Variants in AREL1 observed in about 807,000 individuals in gnomAD.
The protein encoded by AREL1 is apoptosis-resistant E3 ubiquitin protein ligase 1.
A neutral mutation model predicts 99.0 loss-of-function variants in AREL1; 62 were observed. The observed-to-expected ratio is 0.63, with a 90% confidence interval of 0.51 to 0.77. AREL1 has a LOEUF of 0.77. Ranked by LOEUF, AREL1 falls within the 30% of genes least tolerant of loss-of-function variation. AREL1 has a pLI of 0.00. For synonymous variants in AREL1, 380 were observed against 376.5 expected, an observed-to-expected ratio of 1.01 and a Z score of -0.11; for missense variants, 879 against 1,027.6, an observed-to-expected ratio of 0.86 and a Z score of 1.98.
intron 2 of AREL1, among the ~76,000 whole-genome samples, chr14:74,690,413 G>C (rs2089852310): frequency 6.6e-6 from 1 of 152,136 alleles, no homozygotes; most frequent in Non-Finnish European, 1.5e-5. Flanking sequence ...CTTCCTTGTA[G>C]ATAGAGTTTG....
intron 2 of AREL1, 110 bp downstream of exon 2, chr14:74,691,931 G>C (rs1265917801): frequency 4.9e-6 from 1 of 202,630 alleles, no homozygotes; most frequent in Non-Finnish European, 1.0e-5. Flanking sequence ...AATTCTCACT[G>C]CAACTGTATA....
At chr14:74,694,749 GGA>G (rs2089947663) in intron 1 of AREL1, among the ~76,000 whole-genome samples, 2 of 143,484 alleles carry the variant, frequency 1.4e-5, no homozygotes, top group East Asian at 4.2e-4. Context: ...CAGCACTTTG[GGA>G]GGCTGAAGCG....
chr14:74,693,886 C>T (rs945305454), intron 1 of AREL1, among the ~76,000 whole-genome samples: 1 of 152,192 alleles, frequency 6.6e-6, no homozygotes, highest in African/African-American at 2.4e-5. Flanking sequence ...GTTTAAAATA[C>T]AGCAACATGA....
At position 74,676,228 on chromosome 14, in the gene AREL1, G is replaced by T. The variant is rs1264877439; in HGVS notation, c.745C>A (p.Leu249Met). 6.2e-7 allele frequency: 1 copy of T among 1,614,152 alleles called. No individual in the cohort carries two copies. ...QTFQVFLRLT[L>M]HSRGCFHACI... is the part of the protein sequence containing the mutation. ...GCATGGAAGCAGCCTCGAGAATGCA[G>T]GGTGAGTCGCAAGAACACCTGGAAA... Residue 249 changes from leucine (L) to methionine (M), a missense_variant, in exon 7 of 20, where the codon CTG becomes ATG. Physicochemically the swap from Leu to Met is conservative, Grantham distance 15. Coordinates refer to ENST00000356357, the MANE Select transcript of AREL1 (RefSeq NM_001039479.2).
At chr14:74,699,284 C>G (rs1480909803) in intron 1 of AREL1, among the ~76,000 whole-genome samples, 1 of 151,902 alleles carries the variant, frequency 6.6e-6, no homozygotes, top group Non-Finnish European at 1.5e-5. Flanking sequence ...TCCCACATCC[C>G]AAAGATGTGC....
intron 18 of AREL1, 50 bp downstream of exon 18, chr14:74,664,786 T>C: frequency 6.4e-7 from 1 of 1,560,764 alleles, no homozygotes; most frequent in Non-Finnish European, 8.8e-7. Context: ...CTGAAACTTT[T>C]TCCTTATAAC....
In AREL1 at chr14:74,692,064, G is replaced by A. The variant is rs2089893413; in HGVS notation, c.-69C>T. On this transcript the variant is annotated 5_prime_UTR_variant, in exon 2 of 20. Transcript: ENST00000356357. ...ACCTTTAAACGAGGGCCCATGTTCT[G>A]AGAACCAAGTAGAGCACTCCTATTC... 5.0e-6 allele frequency: 2 copies of A among 403,932 alleles called. No individual in the cohort carries two copies. The highest frequency in any genetic ancestry group is 4.3e-5 in the African/African-American group (2 of 46,694). The allele number at this position is 403,932 out of a possible 1,614,324, so 25.0% of individuals were successfully genotyped here.
intron 8 of AREL1, among the ~76,000 whole-genome samples, chr14:74,675,047 A>C (rs1174955512): frequency 1.3e-5 from 2 of 152,218 alleles, no homozygotes; most frequent in East Asian, 3.8e-4. Context: ...AAAAAGTTTA[A>C]AGAAAATTTC....
At chr14:74,670,525 TTATAC>T (rs1594756802) in intron 13 of AREL1, 1 of 494,358 alleles carries the variant, frequency 2.0e-6, no homozygotes, top group Non-Finnish European at 3.6e-6. Context: ...AGAGTAGACA[TTATAC>T]TATAATGTTT....
chr14:74,668,496 C>A (rs1448676971), intron 15 of AREL1, among the ~76,000 whole-genome samples: 1 of 151,872 alleles, frequency 6.6e-6, no homozygotes, highest in African/African-American at 2.4e-5. Context: ...GCATTTCTAT[C>A]TAGGAGACTG....
intron 1 of AREL1, among the ~76,000 whole-genome samples, chr14:74,695,015 A>C (rs1051121707): frequency 6.7e-6 from 1 of 150,080 alleles, no homozygotes; most frequent in Non-Finnish European, 1.5e-5. Context: ...AAAAAGAAAG[A>C]AAGAAAATGG....
intron 17 of AREL1, among the ~76,000 whole-genome samples, chr14:74,665,936 C>G (rs2089200279): frequency 6.6e-6 from 1 of 152,216 alleles, no homozygotes; most frequent in Non-Finnish European, 1.5e-5. Flanking sequence ...TCCTTCCTTT[C>G]TACTTACTTC....
At chr14:74,669,901 T>C in intron 14 of AREL1, 46 bp downstream of exon 14, 2 of 1,581,976 alleles carry the variant, frequency 1.3e-6, no homozygotes, top group Non-Finnish European at 1.7e-6. Flanking sequence ...GATTTCAGGG[T>C]TAATGGCCAG....
At chr14:74,666,140 T>C (rs377337106) in intron 17 of AREL1, among the ~76,000 whole-genome samples, 2 of 152,260 alleles carry the variant, frequency 1.3e-5, no homozygotes, top group African/African-American at 4.8e-5. Context: ...TGATTCTTGT[T>C]CTCAAATCTA....
chr14:74,683,405 G>A lies in AREL1; in HGVS notation c.372C>T (p.Asn124=), dbSNP rs567292151. ...GCACAGTGAAGGCCACTTTTACTAC[G>A]TTGGAATTGGGCTCCTGAAGGACTT... ...TQEVLQEPNS[N]VVKVAFTVRK... Residue 124 remains asparagine, a synonymous_variant, in exon 5 of 20, where the codon AAC becomes AAT. Coordinates refer to ENST00000356357, the MANE Select transcript of AREL1 (RefSeq NM_001039479.2). The A allele has an allele frequency of 4.0e-5, 65 of 1,614,132 alleles. No homozygotes were observed. Among genetic ancestry groups the A allele is most frequent in the African/African-American group, 3.1e-4 (23 of 75,016 alleles).
rs184976761 is a variant in AREL1, at chr14:74,668,638, C to T, written c.1914+1011G>A. Among the ~76,000 whole-genome samples the T allele has an allele frequency of 4.9e-4, 74 of 152,202 alleles. 1 individual carries two copies. Among genetic ancestry groups the T allele is most frequent in the Non-Finnish European group, 3.4e-4 (23 of 68,022 alleles). ...ACCATGCCAGCTCAGGAAGTTGGGT[C>T]TAATCCCATGTGTACAAAGGCAGAC... On this transcript the variant is annotated intron_variant, in intron 15 of 19. Transcript: ENST00000356357.
chr14:74,667,557 A>G lies in AREL1; in HGVS notation c.1952T>C (p.Val651Ala). Residue 651 changes from valine to alanine, a missense_variant, in exon 16 of 20, where the codon GTC becomes GCC. Val to Ala is a moderately conservative substitution (Grantham distance 64). Transcript: ENST00000356357. ...ELMTGGAQTP[V>A]TNANKIFYLN... is the part of the protein sequence containing the mutation. Reference sequence around the variant, plus strand: ...ATAGAAGATTTTATTCGCATTGGTGACTGGAGTTTGAGCTCCACCTGTCAT... The same window carrying G: ...ATAGAAGATTTTATTCGCATTGGTGGCTGGAGTTTGAGCTCCACCTGTCAT... 6.2e-7 allele frequency: 1 copy of G among 1,613,688 alleles called. No homozygotes were observed.
intron 1 of AREL1, among the ~76,000 whole-genome samples, chr14:74,692,603 A>G (rs1013741917): frequency 2.6e-5 from 4 of 152,084 alleles, no homozygotes; most frequent in Admixed American, 1.3e-4. Flanking sequence ...CCTTCAGTTC[A>G]CTGTCCCCAA....
chr14:74,696,209 C>A (rs1003161103), intron 1 of AREL1, among the ~76,000 whole-genome samples: 1 of 152,052 alleles, frequency 6.6e-6, no homozygotes, highest in Admixed American at 6.6e-5. Flanking sequence ...TACACAACTA[C>A]CTTATATAAA....
Sources: gnomAD v4.1 joint callset for allele counts (sites outside exome capture counted in the v4.1 genomes callset) on GRCh38, gnomAD v4.1.1 for gene constraint, MANE v1.5 for transcripts, NCBI Gene and HGNC (gene_info 2026-07-23, HGNC 2026-07-21) for gene names.